The following RDX variants were observed in gnomAD, a reference collection of about 807,000 sequenced individuals.
RDX encodes the protein deafness, autosomal recessive 24.
RDX carries 32 observed loss-of-function variants against 83.7 expected under a neutral mutation model. That is an observed-to-expected ratio of 0.38 (90% CI 0.29 to 0.51). The LOEUF (loss-of-function observed/expected upper bound fraction) is 0.51, where lower values mean the gene tolerates loss of function less well. Ranked by LOEUF, RDX falls within the 20% of genes least tolerant of loss-of-function variation. The pLI, the probability that RDX is intolerant of heterozygous loss-of-function variation, is 0.87. For missense variants in RDX, 600 were observed against 689.9 expected, an observed-to-expected ratio of 0.87 and a Z score of 1.46; for synonymous variants, 229 against 222.7, an observed-to-expected ratio of 1.03 and a Z score of -0.25.
At chr11:110,196,635 C>T (rs1009037048) in intron 15 of RDX, among the ~76,000 whole-genome samples, 2 of 152,222 alleles carry the variant, frequency 1.3e-5, no homozygotes, top group Admixed American at 6.5e-5. Context: ...CTTATTTACA[C>T]CAGCTCCGTC....
intron 14 of RDX, among the ~76,000 whole-genome samples, chr11:110,215,533 A>G (rs1864020297): frequency 1.3e-5 from 2 of 152,184 alleles, no homozygotes; most frequent in African/African-American, 2.4e-5. Context: ...TAGAGTTACA[A>G]GCCCACATGC....
At chr11:110,242,681 G>GT (rs1246515223) in intron 10 of RDX, among the ~76,000 whole-genome samples, 1 of 152,134 alleles carries the variant, frequency 6.6e-6, no homozygotes, top group Non-Finnish European at 1.5e-5. Flanking sequence ...GTATAAAAGT[G>GT]TAAGTTTTAA....
At chr11:110,275,812 T>C (rs943215717) in intron 2 of RDX, among the ~76,000 whole-genome samples, 4 of 132,802 alleles carry the variant, frequency 3.0e-5, no homozygotes, top group African/African-American at 1.1e-4. Context: ...TGAGAAAGCA[T>C]CTCACTCTGT....
intron 1 of RDX, chr11:110,287,103 G>A (rs1397521922): frequency 6.6e-6 from 1 of 152,176 alleles, no homozygotes; most frequent in Non-Finnish European, 1.5e-5. Flanking sequence ...ATTAGAAACA[G>A]TCTCTGGGCT....
chr11:110,177,424 C>T (rs1297067545), intron 15 of RDX, among the ~76,000 whole-genome samples: 1 of 152,210 alleles, frequency 6.6e-6, no homozygotes, highest in East Asian at 1.9e-4. Flanking sequence ...TGTTCAGCTC[C>T]AGCGTCTAGG....
chr11:110,296,180 C>G (rs546905268), intron 1 of RDX, among the ~76,000 whole-genome samples: 1 of 152,190 alleles, frequency 6.6e-6, no homozygotes, highest in African/African-American at 2.4e-5. Flanking sequence ...AAGGAGAATC[C>G]CGCGGCGGCG....
intron 15 of RDX, among the ~76,000 whole-genome samples, chr11:110,177,946 C>G (rs1862809422): frequency 3.3e-5 from 5 of 152,120 alleles, no homozygotes; most frequent in Admixed American, 3.3e-4. Flanking sequence ...CATACCCGCC[C>G]AGCACACACC....
chr11:110,224,926 G>A (rs572453238), downstream of RDX, among the ~76,000 whole-genome samples: 1 of 152,252 alleles, frequency 6.6e-6, no homozygotes, highest in East Asian at 1.9e-4. Flanking sequence ...GCAAGGTTTA[G>A]TTATTGTTCC....
At chr11:110,295,861 G>C (rs1042142439) in intron 1 of RDX, among the ~76,000 whole-genome samples, 16 of 152,234 alleles carry the variant, frequency 1.1e-4, no homozygotes, top group Non-Finnish European at 2.9e-5. Flanking sequence ...CGCGGCCCTG[G>C]CCTGGCGGGT....
chr11:110,254,287 G>T (rs1424955726), intron 8 of RDX, among the ~76,000 whole-genome samples, 178 bp from the exon 9 acceptor site: 1 of 152,020 alleles, frequency 6.6e-6, no homozygotes, highest in East Asian at 1.9e-4. Context: ...CACATAACTG[G>T]TTCCTCACCT....
At chr11:110,255,832 T>G (rs1244295694) in intron 7 of RDX, among the ~76,000 whole-genome samples, 4 of 152,232 alleles carry the variant, frequency 2.6e-5, no homozygotes, top group African/African-American at 9.6e-5. Flanking sequence ...CAGTACTTCC[T>G]TCCTGTGTTT....
chr11:110,226,381 A>T (rs1864436600), downstream of RDX, among the ~76,000 whole-genome samples: 1 of 152,250 alleles, frequency 6.6e-6, no homozygotes, highest in Non-Finnish European at 1.5e-5. Context: ...ACACGAAAGG[A>T]CAAATATTGT....
At chr11:110,279,293 C>A (rs1319189157) in intron 2 of RDX, among the ~76,000 whole-genome samples, 1 of 152,170 alleles carries the variant, frequency 6.6e-6, no homozygotes, top group Non-Finnish European at 1.5e-5. Flanking sequence ...GACAGTTTGA[C>A]CTTAGAACTC....
intron 15 of RDX, among the ~76,000 whole-genome samples, chr11:110,186,880 T>G (rs1333440109): frequency 6.6e-6 from 1 of 152,210 alleles, no homozygotes; most frequent in Non-Finnish European, 1.5e-5. Context: ...AGTGTAGCCA[T>G]GCAGGCATTT....
intron 14 of RDX, among the ~76,000 whole-genome samples, chr11:110,202,535 T>C (rs1028976054): frequency 1.3e-5 from 2 of 151,956 alleles, no homozygotes; most frequent in African/African-American, 4.8e-5. Context: ...CCTCCCACCT[T>C]AGCCTCTCGA....
At chr11:110,251,615 A>G (rs1859344736) in intron 9 of RDX, among the ~76,000 whole-genome samples, 1 of 152,190 alleles carries the variant, frequency 6.6e-6, no homozygotes, top group African/African-American at 2.4e-5. Context: ...TCCCACAGCT[A>G]ACCTACAATT....
intron 14 of RDX, among the ~76,000 whole-genome samples, chr11:110,211,079 G>C (rs1863817619): frequency 6.6e-6 from 1 of 152,214 alleles, no homozygotes; most frequent in Non-Finnish European, 1.5e-5. Flanking sequence ...CCATCAGTGT[G>C]CTGTATCCAG....
chr11:110,185,904 G>A (rs1389398283), intron 15 of RDX, among the ~76,000 whole-genome samples: 3 of 152,210 alleles, frequency 2.0e-5, no homozygotes, highest in African/African-American at 7.2e-5. Context: ...TACCAGTCAA[G>A]CAACTCATCC....
At chr11:110,193,415 T>G (rs1863139942) in intron 15 of RDX, among the ~76,000 whole-genome samples, 1 of 152,038 alleles carries the variant, frequency 6.6e-6, no homozygotes, top group African/African-American at 2.4e-5. Flanking sequence ...ACCCATTGGG[T>G]AGTATGCTCA....
Sources: allele counts gnomAD v4.1 joint callset (sites outside exome capture counted in the v4.1 genomes callset), GRCh38; gene constraint gnomAD v4.1.1; transcripts MANE v1.5; gene names NCBI Gene and HGNC (gene_info 2026-07-23, HGNC 2026-07-21).